MATN4: variants seen among roughly 807,000 people sequenced by gnomAD.
The protein encoded by MATN4 is matrilin 4.
A neutral mutation model predicts 54.6 loss-of-function variants in MATN4; 40 were observed. The observed-to-expected ratio is 0.73, with a 90% CI of 0.57 to 0.95. The LOEUF is 0.95. Ranked by LOEUF, MATN4 falls within the 40% of genes least tolerant of loss-of-function variation. The probability of loss-of-function intolerance (pLI) is 0.00; values close to 1 mark genes in which losing one functional copy is unlikely to be tolerated. For missense variants in MATN4, 810 were observed against 819.1 expected (o/e 0.99, Z 0.13); for synonymous variants, 351 against 345.3 (o/e 1.02, Z -0.18).
At chr20:45,303,082 C>CAAAAAAAAAA in intron 3 of MATN4, among the ~76,000 whole-genome samples, 1 of 82,928 alleles carries the variant, frequency 1.2e-5, no homozygotes, top group Non-Finnish European at 2.4e-5. Flanking sequence ...GACTCTGTCT[C>CAAAAAAAAAA]AAAAAAAAAA....
chr20:45,293,887 G>A, intron 9 of MATN4, 21 bp downstream of exon 9: 1 of 1,605,914 alleles, frequency 6.2e-7, no homozygotes, highest in East Asian at 2.2e-5. Flanking sequence ...TCCAGCCCGC[G>A]CCACCAGCCC....
chr20:45,300,339 T>C (rs1202817770), intron 6 of MATN4, among the ~76,000 whole-genome samples: 2 of 151,942 alleles, frequency 1.3e-5, no homozygotes, highest in East Asian at 1.9e-4. Flanking sequence ...GCAGATGGAG[T>C]TGGCTGAAGC....
chr20:45,303,329 C>T, intron 3 of MATN4: 1 of 687,972 alleles, frequency 1.5e-6, no homozygotes, highest in South Asian at 1.5e-5. Flanking sequence ...GATGTTGGGG[C>T]AATGGAGAGC....
rs986413915 is a variant in MATN4 at position 45,305,624 on chromosome 20, G to A, written c.-34-8C>T. 1.4e-6 allele frequency: 2 copies of A among 1,427,426 alleles called. No homozygotes were observed. The highest frequency in any genetic ancestry group is 1.9e-6 in the Non-Finnish European group (2 of 1,034,444). The allele number at this position is 1,427,426 out of a possible 1,614,324, so 88.4% of individuals were successfully genotyped here. A position where few individuals can be genotyped will look rare whatever the true frequency, so the allele number is the denominator to read the frequency against. ...GAATGGAGGTGTCAGAGCCTGGAGG[G>A]AGGAAGGAAAATAGAAAAGCAACAG... On this transcript the variant is annotated splice_region_variant and splice_polypyrimidine_tract_variant and intron_variant, in intron 1 of 9. Coordinates refer to ENST00000372756, the MANE Select transcript of MATN4 (RefSeq NM_001393530.1).
chr20:45,304,514 G>A lies in MATN4; in HGVS notation c.357C>T (p.Tyr119=). ...CCACACTGAAGGCCACGTTCATGGC[G>A]TACTGGATTGCCAGTCCCGTCATGG... ...QGTMTGLAIQ[Y]AMNVAFSVAE... The change falls in exon 3 of 10, where the codon TAC becomes TAT. Residue 119 remains tyrosine (Y), a synonymous_variant. Coordinates refer to ENST00000372756, the MANE Select transcript of MATN4 (RefSeq NM_001393530.1). 1 of 1,590,758 alleles carries A rather than the reference G, an allele frequency of 6.3e-7. No homozygotes were observed. Among genetic ancestry groups the A allele is most frequent in the South Asian group, 1.1e-5 (1 of 90,306 alleles).
chr20:45,295,513 G>A (rs924914060), intron 8 of MATN4, among the ~76,000 whole-genome samples: 40 of 152,210 alleles, frequency 2.6e-4, no homozygotes, highest in Admixed American at 2.3e-3. Context: ...TCAGCCTCCC[G>A]AGTAGCTGGG....
chr20:45,296,839 ATATAG>A (rs952173658), intron 8 of MATN4, among the ~76,000 whole-genome samples: 15 of 151,070 alleles, frequency 9.9e-5, no homozygotes, highest in African/African-American at 3.4e-4. Context: ...ATATTATATA[ATATAG>A]TATATATAGT....
chr20:45,304,448 G>C lies in MATN4; in HGVS notation c.423C>G (p.Val141=). The C allele has an allele frequency of 6.4e-7, 1 of 1,556,204 alleles. No homozygotes were observed. The highest frequency in any genetic ancestry group is 8.7e-7 in the Non-Finnish European group (1 of 1,144,898). Residue 141 remains valine, a synonymous_variant, in exon 3 of 10, where the codon GTC becomes GTG. Transcript: ENST00000372756. ...ARPPEERVPR[V]AVIVTDGRPQ... The stretch of plus-strand genomic sequence containing the variant: ...GCCGCCCGTCTGTCACGATGACAGC[G>C]ACACGCGGCACGCGCTCCTCTGGCG...
intron 1 of MATN4, chr20:45,306,901 G>A: frequency 8.0e-7 from 1 of 1,256,404 alleles, no homozygotes; most frequent in South Asian, 3.8e-5. Context: ...CGGGTGAGCG[G>A]CTGGGGCCCC....
chr20:45,305,265 T>C (rs184015224), intron 2 of MATN4, among the ~76,000 whole-genome samples: 145 of 152,356 alleles, frequency 9.5e-4, no homozygotes, highest in African/African-American at 3.1e-3. Context: ...CTGGTTTTTT[T>C]CCATGTTTTC....
intron 3 of MATN4, among the ~76,000 whole-genome samples, chr20:45,302,267 C>A (rs1986282074): frequency 6.6e-6 from 1 of 152,110 alleles, no homozygotes. Flanking sequence ...AAACAGTCAT[C>A]AAATCAGAGT....
chr20:45,307,909 G>A (rs555227725), intron 1 of MATN4, among the ~76,000 whole-genome samples: 1 of 152,248 alleles, frequency 6.6e-6, no homozygotes, highest in South Asian at 2.1e-4. Context: ...AGCAAGGGAG[G>A]AGAGGCCTGT....
At chr20:45,306,221 T>G (rs1279856796) in intron 1 of MATN4, among the ~76,000 whole-genome samples, 1 of 152,224 alleles carries the variant, frequency 6.6e-6, no homozygotes, top group Non-Finnish European at 1.5e-5. Context: ...TCACGCATTG[T>G]GGCATTTAAT....
At chr20:45,297,095 G>A (rs1305810779) in intron 8 of MATN4, among the ~76,000 whole-genome samples, 2 of 151,534 alleles carry the variant, frequency 1.3e-5, no homozygotes, top group Non-Finnish European at 2.9e-5. Context: ...GCCTCCCAGA[G>A]TGCTGGGATT....
intron 1 of MATN4, chr20:45,306,787 G>A: frequency 1.5e-6 from 1 of 648,074 alleles, no homozygotes; most frequent in East Asian, 3.4e-5. Flanking sequence ...GGGGCCCGGG[G>A]CCTTGGAGAT....
intron 3 of MATN4, among the ~76,000 whole-genome samples, chr20:45,303,103 A>T (rs200416078): frequency 2.3e-5 from 2 of 87,438 alleles, no homozygotes; most frequent in African/African-American, 9.4e-5. Flanking sequence ...AAAAAAAAAA[A>T]AGAGAGAGAG....
In MATN4 at chr20:45,298,582, C is replaced by G; in HGVS notation, c.1014G>C (p.Arg338=). 1 of 1,532,416 alleles carries G rather than the reference C, an allele frequency of 6.5e-7. No homozygotes were observed. The highest frequency in any genetic ancestry group is 8.8e-7 in the Non-Finnish European group (1 of 1,137,308). The allele number at this position is 1,532,416 out of a possible 1,614,324, so 94.9% of individuals were successfully genotyped here. ...CAAGGTCCACGTGGCCTTCCCGGCACCCTGCACAGCCAGAAAAGCTTGAAT... is the reference window on the plus strand; with the variant it reads ...CAAGGTCCACGTGGCCTTCCCGGCAGCCTGCACAGCCAGAAAAGCTTGAAT... ...QLQADGKSCN[R]CREGHVDLVL... Residue 338 remains arginine (R), a splice_region_variant and synonymous_variant, in exon 7 of 10, where the codon CGG becomes CGC. Transcript: ENST00000372756. This position sits in a 1 kb window ranked among gnomAD's most constrained non-coding sequence, Gnocchi z 4.6.
chr20:45,295,392 T>G (rs1168779761), intron 8 of MATN4, among the ~76,000 whole-genome samples: 1 of 152,150 alleles, frequency 6.6e-6, no homozygotes, highest in Non-Finnish European at 1.5e-5. Flanking sequence ...CCCAGCAATT[T>G]GTGTTTGTTT....
chr20:45,301,004 C>T lies in MATN4; in HGVS notation c.895G>A (p.Asp299Asn). 5 of 1,614,072 alleles carry T rather than the reference C, an allele frequency of 3.1e-6. No homozygotes were observed. The highest frequency in any genetic ancestry group is 4.2e-6 in the Non-Finnish European group (5 of 1,179,972). The change falls in exon 6 of 10, where the codon GAC becomes AAC. Residue 299 changes from aspartate (D) to asparagine (N), a missense_variant. Transcript: ENST00000372756. The stretch of plus-strand genomic sequence containing the variant: ...CCATGGTCCACGCCATTGCAAAGGT[C>T]CCGGACTGAAAGGAGAGACAGGTCA... ...QPDGRSCQVR[D>N]LCNGVDHGCE...
Sources: allele counts gnomAD v4.1 joint callset (sites outside exome capture counted in the v4.1 genomes callset), GRCh38; gene constraint gnomAD v4.1.1; non-coding constraint Gnocchi (gnomAD v3.1); transcripts MANE v1.5; gene names NCBI Gene and HGNC (gene_info 2026-07-23, HGNC 2026-07-21).